Variants in STXBP5L observed in about 807,000 individuals in gnomAD.
STXBP5L encodes syntaxin binding protein 5L, also known as syntaxin-binding protein 5-like.
Under a neutral mutation model 144.5 loss-of-function variants are expected in STXBP5L, and 65 were observed. The ratio of observed to expected loss-of-function variants is 0.45; its 90% CI spans 0.37 to 0.55. The LOEUF is 0.55. Among genes scored for constraint, STXBP5L ranks in the 20% least tolerant of loss-of-function variants. The pLI, the probability that STXBP5L is intolerant of heterozygous loss-of-function variation, is 0.00. For missense variants in STXBP5L, 1,298 were observed against 1,405.5 expected (o/e 0.92, Z 1.22); for synonymous variants, 505 against 469.6 (o/e 1.08, Z -0.97).
intron 5 of STXBP5L, among the ~76,000 whole-genome samples, chr3:121,113,066 G>A (rs73189338): frequency 0.036 from 5,405 of 152,118 alleles, 146 homozygotes; most frequent in Middle Eastern, 0.082. Flanking sequence ...CTGATATAAA[G>A]GCTCTAGTTT....
At chr3:121,418,999 T>C in intron 26 of STXBP5L, 57 bp from the exon 27 acceptor site, 1 of 1,569,280 alleles carries the variant, frequency 6.4e-7, no homozygotes, top group Non-Finnish European at 8.6e-7. Flanking sequence ...TGGCCTTGCT[T>C]TGAATAGCAC....
chr3:121,368,733 C>T (rs1197997276), intron 20 of STXBP5L, among the ~76,000 whole-genome samples: 1 of 152,126 alleles, frequency 6.6e-6, no homozygotes, highest in Non-Finnish European at 1.5e-5. Context: ...TTAAGGTCTT[C>T]TTAAGCCTTT....
chr3:121,182,033 A>G (rs1447985497), intron 9 of STXBP5L, among the ~76,000 whole-genome samples: 2 of 152,072 alleles, frequency 1.3e-5, no homozygotes, highest in African/African-American at 2.4e-5. Flanking sequence ...AACAATTACT[A>G]CTAGACCTAA....
chr3:120,951,968 T>C (rs1420584345), intron 2 of STXBP5L, among the ~76,000 whole-genome samples: 1 of 151,638 alleles, frequency 6.6e-6, no homozygotes, highest in African/African-American at 2.4e-5. Context: ...TGGAATACTA[T>C]GCAGCCATAA....
At chr3:121,405,207 T>G (rs1576364905) in intron 22 of STXBP5L, among the ~76,000 whole-genome samples, 1 of 152,132 alleles carries the variant, frequency 6.6e-6, no homozygotes, top group East Asian at 1.9e-4. Flanking sequence ...CTTTAACATA[T>G]GATTTTTTTT....
At chr3:121,222,600 AT>A (rs5852264) in intron 10 of STXBP5L, among the ~76,000 whole-genome samples, 15,086 of 152,014 alleles carry the variant, frequency 0.099, 1,177 homozygotes, top group Admixed American at 0.2. Context: ...TCTTGTACAG[AT>A]TTTAGGCCCC....
At chr3:121,114,746 GT>G (rs1217025273) in intron 5 of STXBP5L, among the ~76,000 whole-genome samples, 178 bp from the exon 6 acceptor site, 1 of 151,990 alleles carries the variant, frequency 6.6e-6, no homozygotes, top group Admixed American at 6.6e-5. Flanking sequence ...TAACATTATT[GT>G]TTTTAACGCT....
intron 9 of STXBP5L, among the ~76,000 whole-genome samples, chr3:121,173,332 A>G (rs1577113991): frequency 8.2e-6 from 1 of 122,084 alleles, no homozygotes; most frequent in Admixed American, 1.0e-4. Context: ...ATATAATAAT[A>G]ATAATAATAA....
chr3:120,934,002 C>T (rs1362468419), intron 2 of STXBP5L, among the ~76,000 whole-genome samples: 28 of 150,564 alleles, frequency 1.9e-4, no homozygotes, highest in Admixed American at 1.9e-3. Flanking sequence ...TAACTTCACA[C>T]TGCAAAAAAT....
intron 20 of STXBP5L, among the ~76,000 whole-genome samples, chr3:121,327,913 C>T (rs770680291): frequency 3.9e-5 from 6 of 152,016 alleles, no homozygotes; most frequent in Non-Finnish European, 7.4e-5. Flanking sequence ...TACTTTTTGC[C>T]GTGTTACTTT....
At chr3:120,922,241 C>T (rs150017331) in intron 2 of STXBP5L, among the ~76,000 whole-genome samples, 3 of 151,890 alleles carry the variant, frequency 2.0e-5, no homozygotes, top group Non-Finnish European at 2.9e-5. Flanking sequence ...AATGAGATTG[C>T]GTTTTGATTT....
rs148024073 is a variant in STXBP5L, at chr3:121,322,410, G to A, written c.2176+3870G>A. 9.1e-4 allele frequency among the ~76,000 whole-genome samples: 137 copies of A among 151,344 alleles called. 2 individuals carry two copies. The highest frequency in any genetic ancestry group is 8.3e-3 in the East Asian group (43 of 5,152). ...GGAGAATCACTTGAACCCAAGAGGC[G>A]GAGGTTGTGGTGAGCTGAGATAGTA... On this transcript the variant is annotated intron_variant, in intron 20 of 26. Coordinates refer to ENST00000471454, the MANE Select transcript of STXBP5L (RefSeq NM_001308330.2).
intron 18 of STXBP5L, among the ~76,000 whole-genome samples, chr3:121,278,053 TTATTAGTTGTAGCTG>T (rs1464685992): frequency 6.6e-6 from 1 of 152,004 alleles, no homozygotes; most frequent in East Asian, 1.9e-4. Context: ...TTATTTTGCC[TTATTAGTTGTAGCTG>T]TTTTTGTAGT....
chr3:121,309,034 G>A (rs1259177674), intron 19 of STXBP5L, among the ~76,000 whole-genome samples: 1 of 151,888 alleles, frequency 6.6e-6, no homozygotes, highest in African/African-American at 2.4e-5. Flanking sequence ...TCAAAGGAAT[G>A]AAATGCTGCA....
chr3:121,009,181 G>T (rs1009949945), intron 3 of STXBP5L, among the ~76,000 whole-genome samples: 19 of 151,932 alleles, frequency 1.3e-4, no homozygotes, highest in Non-Finnish European at 1.5e-5. Flanking sequence ...TCACCAATTG[G>T]TCATCCTACT....
At chr3:121,014,470 T>A (rs1226468540) in intron 3 of STXBP5L, among the ~76,000 whole-genome samples, 1 of 152,052 alleles carries the variant, frequency 6.6e-6, no homozygotes, top group East Asian at 1.9e-4. Context: ...ATCTTGTAGT[T>A]CAAGACTTAT....
chr3:121,057,919 T>C (rs1257125749), intron 5 of STXBP5L, among the ~76,000 whole-genome samples: 1 of 152,110 alleles, frequency 6.6e-6, no homozygotes, highest in African/African-American at 2.4e-5. Context: ...TTGTTTTCTG[T>C]CTCCCAAGTA....
chr3:120,954,905 C>G (rs1937849825), intron 2 of STXBP5L, 35 bp from the exon 3 acceptor site: 1 of 1,556,536 alleles, frequency 6.4e-7, no homozygotes. Context: ...TTTTATTTCC[C>G]TAGAGACTTA....
At chr3:121,282,322 C>T (rs767903827) in intron 19 of STXBP5L, 9 of 1,611,496 alleles carry the variant, frequency 5.6e-6, no homozygotes, top group South Asian at 2.2e-5. Flanking sequence ...GAAACGGATC[C>T]GTACTTCCTA....
Sources: allele counts gnomAD v4.1 joint callset (sites outside exome capture counted in the v4.1 genomes callset), GRCh38; gene constraint gnomAD v4.1.1; transcripts MANE v1.5; gene names NCBI Gene and HGNC (gene_info 2026-07-23, HGNC 2026-07-21).